Variants in CLIP2 observed in about 807,000 individuals in gnomAD.
CLIP2 encodes the protein CAP-Gly domain-containing linker protein 2.
Under a neutral mutation model 111.7 loss-of-function variants are expected in CLIP2, and 41 were observed. The observed-to-expected ratio is 0.37, with a 90% CI of 0.29 to 0.48. The LOEUF (loss-of-function observed/expected upper bound fraction) is 0.48. Among genes scored for constraint, CLIP2 ranks in the 20% least tolerant of loss-of-function variants. The pLI is 0.99. For synonymous variants in CLIP2, 660 were observed against 644.2 expected, an observed-to-expected ratio of 1.02 and a Z score of -0.37; for missense variants, 1,160 against 1,422.1, an observed-to-expected ratio of 0.82 and a Z score of 2.96.
chr7:74,392,625 G>A (rs1391874307), intron 13 of CLIP2, among the ~76,000 whole-genome samples: 16 of 152,004 alleles, frequency 1.1e-4, no homozygotes, highest in African/African-American at 3.9e-4. Flanking sequence ...TCAGGAGTTC[G>A]AGACCAGCCT....
chr7:74,291,235 C>T (rs1206095384), intron 1 of CLIP2, among the ~76,000 whole-genome samples: 1 of 152,148 alleles, frequency 6.6e-6, no homozygotes, highest in Non-Finnish European at 1.5e-5. Context: ...CAGGTGGAGG[C>T]GCCTGGGAGG....
intron 1 of CLIP2, among the ~76,000 whole-genome samples, chr7:74,291,191 T>A (rs1584295547): frequency 6.6e-6 from 1 of 151,910 alleles, no homozygotes. Context: ...GTGGAGGCGG[T>A]GGAGATGGAG....
chr7:74,295,850 A>T (rs1331740537), intron 1 of CLIP2, among the ~76,000 whole-genome samples: 6 of 152,048 alleles, frequency 3.9e-5, no homozygotes, highest in South Asian at 4.2e-4. Context: ...ACAGAAAATT[A>T]AAAAATTAGC....
chr7:74,324,222 C>T (rs1789052680), intron 2 of CLIP2, among the ~76,000 whole-genome samples: 1 of 151,862 alleles, frequency 6.6e-6, no homozygotes, highest in Non-Finnish European at 1.5e-5. Flanking sequence ...AAACTCCTGA[C>T]CTCAGGTGAT....
At chr7:74,347,672 G>A (rs1789842220) in intron 3 of CLIP2, among the ~76,000 whole-genome samples, 1 of 152,124 alleles carries the variant, frequency 6.6e-6, no homozygotes, top group Non-Finnish European at 1.5e-5. Flanking sequence ...CTTCTCTGGA[G>A]AAAACAGCTG....
chr7:74,319,507 AAAAAT>A (rs782805654), intron 2 of CLIP2, among the ~76,000 whole-genome samples: 126 of 151,980 alleles, frequency 8.3e-4, no homozygotes, highest in African/African-American at 2.5e-3. Context: ...GACTCTGTCA[AAAAAT>A]AAAATAAAAT....
chr7:74,309,534 T>C (rs1436462989), intron 1 of CLIP2, among the ~76,000 whole-genome samples: 1 of 152,040 alleles, frequency 6.6e-6, no homozygotes, highest in African/African-American at 2.4e-5. Context: ...GTCCTTCGTG[T>C]CTAGTTTCTT....
chr7:74,329,085 T>G lies in CLIP2; in HGVS notation c.122-9363T>G, dbSNP rs1262212442. ...ATCATGCCTGGCTAATTTTTTTTTT[T>G]GGTTTTTTTTTTTTTTTTTTTTAGT... On this transcript the variant is annotated intron_variant, in intron 2 of 16. Transcript: ENST00000223398. Among the ~76,000 whole-genome samples the G allele has an allele frequency of 7.2e-5, 9 of 124,746 alleles. No individual in the cohort carries two copies. In the South Asian group the frequency reaches 1.1e-3, roughly 15 times the overall value. 81.8% of individuals were successfully genotyped at this position (124,746 alleles called of 152,430 possible).
rs782620525 is a variant in CLIP2 at position 74,376,557 on chromosome 7, A to G, written c.2156A>G (p.Gln719Arg). The G allele has an allele frequency of 3.1e-6, 5 of 1,607,104 alleles. No homozygotes were observed. The South Asian group carries it at 4.4e-5, about 14-fold the overall frequency. The change falls in exon 10 of 17, where the codon CAG becomes CGG. Residue 719 changes from glutamine (Q) to arginine (R), a missense_variant. Gln to Arg is a conservative substitution (Grantham distance 43, BLOSUM62 1). This residue lies in a region of CLIP2 where 676 missense variants were observed against 777.8 expected (regional missense o/e 0.87). Transcript: ENST00000223398. This position sits in a 1 kb window ranked among gnomAD's most constrained non-coding sequence, Gnocchi z 7.1. ...VQASQHRLEL[Q>R]EAQDQRRDAE... ...GCCAGCCAGCACCGGCTGGAGCTGC[A>G]GGAGGCCCAGGACCAGCGCCGGGAT...
chr7:74,379,703 T>C (rs1584377938), intron 10 of CLIP2, among the ~76,000 whole-genome samples: 1 of 149,746 alleles, frequency 6.7e-6, no homozygotes, highest in African/African-American at 2.5e-5. Flanking sequence ...GAGGCAGAGG[T>C]TGCAGTGAGC....
At chr7:74,307,330 T>C (rs1554727905) in intron 1 of CLIP2, among the ~76,000 whole-genome samples, 1 of 152,042 alleles carries the variant, frequency 6.6e-6, no homozygotes, top group East Asian at 1.9e-4. Context: ...CAGACCCGGG[T>C]CTGATTCCAG....
At chr7:74,318,332 T>C (rs1788846754) in intron 2 of CLIP2, among the ~76,000 whole-genome samples, 1 of 152,052 alleles carries the variant, frequency 6.6e-6, no homozygotes, top group South Asian at 2.1e-4. Context: ...TTCATCCTAA[T>C]AATGAGAGCT....
In CLIP2 at chr7:74,401,510, C is replaced by T. The variant is rs782178455; in HGVS notation, c.3072C>T (p.Ile1024=). Residue 1024 remains isoleucine, a synonymous_variant, in exon 16 of 17, where the codon ATC becomes ATT. Coordinates refer to ENST00000223398, the MANE Select transcript of CLIP2 (RefSeq NM_003388.5). ...MRSCPDKAQT[I]GNSGSANGIH... is the part of the protein sequence containing the mutation. ...GTCTCCCCTAACTCTTCCAGACCAT[C>T]GGCAATTCCGGTTCTGCAAACGGCA... 14 of 1,613,946 alleles carry T rather than the reference C, an allele frequency of 8.7e-6. No homozygotes were observed. The highest frequency in any genetic ancestry group is 1.6e-4 in the Middle Eastern group (1 of 6,084).
At chr7:74,357,663 GC>G (rs1790187182) in intron 6 of CLIP2, among the ~76,000 whole-genome samples, 186 bp downstream of exon 6, 1 of 152,096 alleles carries the variant, frequency 6.6e-6, no homozygotes, top group East Asian at 1.9e-4. Context: ...AGTCTTTTCT[GC>G]CTATGTATAA....
In CLIP2 at chr7:74,396,969, C is replaced by T. The variant is rs367819935; in HGVS notation, c.2721-105C>T. 224 of 1,402,212 alleles carry T rather than the reference C, an allele frequency of 1.6e-4. No individual in the cohort carries two copies. The African/African-American group carries it at 2.8e-3, about 18-fold the overall frequency. The allele number at this position is 1,402,212 out of a possible 1,614,324, so 86.9% of individuals were successfully genotyped here. A position where few individuals can be genotyped will look rare whatever the true frequency, so the allele number is the denominator to read the frequency against. On this transcript the variant is annotated intron_variant, in intron 13 of 16. Transcript: ENST00000223398. ...ACAGATGCCATCTAGTAGCCCATGT[C>T]CCCCACCAGTTGGTCAGCCCCTGGA...
At chr7:74,354,150 A>G in intron 4 of CLIP2, 146 bp downstream of exon 4, 4 of 1,010,244 alleles carry the variant, frequency 4.0e-6, no homozygotes, top group Non-Finnish European at 5.8e-6. Context: ...CTCCTTCCCA[A>G]CAGCCCACTA....
intron 3 of CLIP2, among the ~76,000 whole-genome samples, chr7:74,343,046 A>AG (rs1307190917): frequency 6.0e-5 from 9 of 151,080 alleles, no homozygotes; most frequent in Non-Finnish European, 2.9e-5. Context: ...AAAAAAAAAA[A>AG]AAATGGTGAC....
chr7:74,383,391 C>G (rs782195371), intron 11 of CLIP2, among the ~76,000 whole-genome samples: 3 of 152,068 alleles, frequency 2.0e-5, no homozygotes, highest in Non-Finnish European at 4.4e-5. Context: ...ATTCCAATGA[C>G]TTGTTATTCT....
In CLIP2 at chr7:74,374,581, C is replaced by T. The variant is rs141606026; in HGVS notation, c.1486-1306C>T. On this transcript the variant is annotated intron_variant, in intron 9 of 16. Coordinates refer to ENST00000223398, the MANE Select transcript of CLIP2 (RefSeq NM_003388.5). ...ATTAAAAATACAAAAATTAACTGAGCGGGGTGGTGCACGCCTGTAGTCCCA... is the reference window on the plus strand; with the variant it reads ...ATTAAAAATACAAAAATTAACTGAGTGGGGTGGTGCACGCCTGTAGTCCCA... Among the ~76,000 whole-genome samples the T allele has an allele frequency of 7.9e-3, 1,201 of 151,986 alleles. 20 individuals carry two copies. Among genetic ancestry groups the T allele is most frequent in the African/African-American group, 0.027 (1,124 of 41,468 alleles).
Sources: gnomAD v4.1 joint callset for allele counts (sites outside exome capture counted in the v4.1 genomes callset) on GRCh38, gnomAD v4.1.1 for gene constraint, gnomAD v4.1.1 regional missense constraint, Gnocchi (gnomAD v3.1) non-coding constraint, MANE v1.5 for transcripts, NCBI Gene and HGNC (gene_info 2026-07-23, HGNC 2026-07-21) for gene names.